COX14: variants seen among roughly 807,000 people sequenced by gnomAD.
COX14 encodes cytochrome c oxidase assembly protein COX14.
A neutral mutation model predicts 5.8 loss-of-function variants in COX14; 3 were observed. That is an observed-to-expected ratio of 0.51 (90% CI 0.23 to 1.33). COX14 has a LOEUF of 1.33. COX14 is among the 40% of genes most tolerant of loss of function. The pLI is 0.18. For synonymous variants in COX14, 25 were observed against 26.1 expected (o/e 0.96, Z 0.13); for missense variants, 72 against 72.1 (o/e 1.00, Z 0.01).
At chr12:50,113,655 C>T (rs185324463) in intron 1 of COX14, among the ~76,000 whole-genome samples, 1 of 151,080 alleles carries the variant, frequency 6.6e-6, no homozygotes, top group Non-Finnish European at 1.5e-5. Flanking sequence ...TTTTTTGAGA[C>T]GGAGTCTCGC....
intron 1 of COX14, among the ~76,000 whole-genome samples, chr12:50,114,117 TTA>T (rs1249620934): frequency 6.6e-6 from 1 of 151,490 alleles, no homozygotes; most frequent in Non-Finnish European, 1.5e-5. Flanking sequence ...TTCTCAATTT[TTA>T]TTCTAGCCTA....
At chr12:50,114,960 G>C (rs1951067299) in intron 1 of COX14, among the ~76,000 whole-genome samples, 1 of 150,422 alleles carries the variant, frequency 6.6e-6, no homozygotes, top group South Asian at 2.1e-4. Flanking sequence ...TAGAGATGGG[G>C]TTTCACCATG....
chr12:50,114,770 ATTTTTTTTTTT>A (rs71083507), intron 1 of COX14, among the ~76,000 whole-genome samples: 28 of 70,650 alleles, frequency 4.0e-4, no homozygotes, highest in African/African-American at 1.1e-3. Flanking sequence ...GAGTATCTTA[ATTTTTTTTTTT>A]TTTTTTTTTT....
Position 50,114,011 on chromosome 12 carries a change from C to T in COX14, c.-9+1710C>T, listed in dbSNP as rs182499160. 1.7e-4 allele frequency among the ~76,000 whole-genome samples: 26 copies of T among 151,698 alleles called. No homozygotes were observed. The East Asian group carries it at 4.3e-3, about 25-fold the overall frequency. ...CAAGTGCAGGGCCGTGATCACAGCT[C>T]ACTGCAGCCCCAAACTCGTTGGCTC... On this transcript the variant is annotated intron_variant, in intron 1 of 1. Coordinates refer to ENST00000550487, the MANE Select transcript of COX14 (RefSeq NM_032901.4).
At position 50,120,073 on chromosome 12, in the gene COX14, T is replaced by G; in HGVS notation, c.30T>G (p.Ile10Met). The change falls in exon 2 of 2, where the codon ATT becomes ATG. Residue 10 changes from isoleucine to methionine, a missense_variant. Coordinates refer to ENST00000550487, the MANE Select transcript of COX14 (RefSeq NM_032901.4). The part of the protein sequence containing the change: MPTGKQLAD[I>M]GYKTFSTSMM... ...CAACTGGCAAGCAGCTAGCTGACAT[T>G]GGCTATAAGACCTTCTCTACCTCCA... 1.2e-6 allele frequency: 2 copies of G among 1,614,156 alleles called. No individual in the cohort carries two copies. Among genetic ancestry groups the G allele is most frequent in the Non-Finnish European group, 1.7e-6 (2 of 1,179,998 alleles).
chr12:50,116,148 C>T (rs889827935), intron 1 of COX14, among the ~76,000 whole-genome samples: 2 of 149,324 alleles, frequency 1.3e-5, no homozygotes, highest in South Asian at 2.1e-4. Flanking sequence ...GCTGGAGTGC[C>T]GTGGCACTCT....
chr12:50,115,327 G>A (rs1277054244), intron 1 of COX14, among the ~76,000 whole-genome samples: 1 of 150,376 alleles, frequency 6.6e-6, no homozygotes, highest in Non-Finnish European at 1.5e-5. Flanking sequence ...CCATTCTCCT[G>A]CCTCAGCCTC....
In COX14 at chr12:50,120,308, A is replaced by G; in HGVS notation, c.*91A>G. ...ACCATTTCCAGGTCAACAGGACTAG[A>G]GCGTTGATGGTTTTCAAACCCTGTT... On this transcript the variant is annotated 3_prime_UTR_variant, in exon 2 of 2. Coordinates refer to ENST00000550487, the MANE Select transcript of COX14 (RefSeq NM_032901.4). 1 of 1,122,514 alleles carries G rather than the reference A, an allele frequency of 8.9e-7. No individual in the cohort carries two copies. The highest frequency in any genetic ancestry group is 1.3e-6 in the Non-Finnish European group (1 of 783,888). 69.5% of individuals were successfully genotyped at this position (1,122,514 alleles called of 1,614,324 possible).
At chr12:50,120,005 C>T in intron 1 of COX14, 31 bp from the exon 2 acceptor site, 1 of 1,585,446 alleles carries the variant, frequency 6.3e-7, no homozygotes, top group Non-Finnish European at 8.7e-7. Flanking sequence ...GAGGCCTTAT[C>T]CTCAGGTCTA....
At chr12:50,116,698 A>C (rs747939512) in intron 1 of COX14, among the ~76,000 whole-genome samples, 2 of 152,202 alleles carry the variant, frequency 1.3e-5, no homozygotes, top group African/African-American at 4.8e-5. Flanking sequence ...GTTCAGCTCC[A>C]TGGGTGTGTG....
chr12:50,112,544 C>T (rs555568632), intron 1 of COX14: 8 of 913,122 alleles, frequency 8.8e-6, no homozygotes, highest in South Asian at 5.1e-5. Context: ...ACCTCGACTC[C>T]TGCCTGGCGT....
chr12:50,117,581 CT>C lies in COX14; in HGVS notation c.-8-2440del, dbSNP rs397850921. On this transcript the variant is annotated intron_variant, in intron 1 of 1. Transcript: ENST00000550487. ...CCACCCTGGCACTCTTTTTCTGTCTCTTTTTTTTTTTTTTTGAGACGGTGTC... is the reference window on the plus strand; with the variant it reads ...CCACCCTGGCACTCTTTTTCTGTCTCTTTTTTTTTTTTTTGAGACGGTGTC... Among the ~76,000 whole-genome samples the C allele has an allele frequency of 4.5e-3, 609 of 134,636 alleles. 5 individuals carry two copies. The highest frequency in any genetic ancestry group is 0.012 in the African/African-American group (441 of 35,722). 88.3% of individuals were successfully genotyped at this position (134,636 alleles called of 152,430 possible).
In COX14 at chr12:50,119,283, G is replaced by A. The variant is rs141280502; in HGVS notation, c.-8-753G>A. Among the ~76,000 whole-genome samples the A allele has an allele frequency of 5.1e-4, 78 of 152,344 alleles. No individual in the cohort carries two copies. In the East Asian group the frequency reaches 0.012, roughly 23 times the overall value. On this transcript the variant is annotated intron_variant, in intron 1 of 1. Coordinates refer to ENST00000550487, the MANE Select transcript of COX14 (RefSeq NM_032901.4). ...AAACAAATTGGATATTGCCTGAAAG[G>A]TTCCCATTTGATCTTCCTAGAGAGA...
intron 1 of COX14, chr12:50,112,758 AC>A (rs1219127843): frequency 1.6e-5 from 2 of 128,666 alleles, no homozygotes; most frequent in Admixed American, 7.7e-5. Context: ...CCCGATTCCC[AC>A]CCCTACACCT....
intron 1 of COX14, among the ~76,000 whole-genome samples, chr12:50,118,284 T>C (rs995116702): frequency 4.2e-5 from 3 of 71,096 alleles, no homozygotes; most frequent in African/African-American, 1.8e-4. Context: ...TGACCTCAGG[T>C]GATCCACCCT....
At chr12:50,115,301 G>A (rs1374463111) in intron 1 of COX14, among the ~76,000 whole-genome samples, 1 of 149,074 alleles carries the variant, frequency 6.7e-6, no homozygotes, top group Non-Finnish European at 1.5e-5. Flanking sequence ...TGCGAGCTCC[G>A]CCTCCCGGGT....
intron 1 of COX14, chr12:50,118,388 T>G (rs1951101538): frequency 1.0e-5 from 10 of 981,350 alleles, no homozygotes; most frequent in Non-Finnish European, 1.2e-5. Flanking sequence ...TTCACTGCAG[T>G]TTCTGTCAGT....
At chr12:50,118,561 A>G in intron 1 of COX14, 1 of 271,562 alleles carries the variant, frequency 3.7e-6, no homozygotes, top group Non-Finnish European at 5.6e-6. Flanking sequence ...AGGTGAGGAG[A>G]TCAAAACCAT....
At chr12:50,113,238 C>T in intron 1 of COX14, among the ~76,000 whole-genome samples, 1 of 151,646 alleles carries the variant, frequency 6.6e-6, no homozygotes, top group Non-Finnish European at 1.5e-5. Context: ...CTTAAAAGCC[C>T]TGAGTTGACC....
Sources: gnomAD v4.1 joint callset for allele counts (sites outside exome capture counted in the v4.1 genomes callset) on GRCh38, gnomAD v4.1.1 for gene constraint, MANE v1.5 for transcripts, NCBI Gene and HGNC (gene_info 2026-07-23, HGNC 2026-07-21) for gene names.